Variants in AHRR observed in about 807,000 individuals in gnomAD.
The protein encoded by AHRR is ahR repressor.
A neutral mutation model predicts 44.0 loss-of-function variants in AHRR; 28 were observed. The ratio of observed to expected loss-of-function variants is 0.64; its 90% CI spans 0.47 to 0.87. The LOEUF is 0.87. AHRR is among the 40% of genes least tolerant of loss of function. The pLI is 0.00. For missense variants in AHRR, 990 were observed against 953.9 expected (o/e 1.04, Z -0.50); for synonymous variants, 434 against 407.0 (o/e 1.07, Z -0.80).
intron 1 of AHRR, 132 bp from the exon 2 acceptor site, chr5:343,759 GGA>G: frequency 1.2e-6 from 1 of 812,314 alleles, no homozygotes; most frequent in Non-Finnish European, 1.9e-6. Flanking sequence ...CCCACGAGGA[GGA>G]GCAGGAGGTG....
intron 4 of AHRR, among the ~76,000 whole-genome samples, chr5:412,952 AT>A: frequency 6.6e-6 from 1 of 151,906 alleles, no homozygotes; most frequent in Middle Eastern, 3.4e-3. Context: ...GGACTTCAAT[AT>A]TTTTCATAAT....
rs779603773 is a variant in AHRR, at chr5:337,591, C to T, written c.-10-6302C>T. Among the ~76,000 whole-genome samples the T allele has an allele frequency of 6.6e-6, 1 of 151,996 alleles. No individual in the cohort carries two copies. Among genetic ancestry groups the T allele is most frequent in the African/African-American group, 2.4e-5 (1 of 41,344 alleles). On this transcript the variant is annotated intron_variant, in intron 1 of 10. Coordinates refer to ENST00000684583, the MANE Select transcript of AHRR (RefSeq NM_001377236.1). The surrounding 1 kb of genome is among the most constrained non-coding windows in gnomAD (Gnocchi z 4.1). Reference sequence around the variant, plus strand: ...TAGAGATGAGGTCTCACTGTGTTGGCGTTTTATATTTTAAATTTTTTTTTA... The same window carrying T: ...TAGAGATGAGGTCTCACTGTGTTGGTGTTTTATATTTTAAATTTTTTTTTA...
At chr5:324,021 T>TTTCTC (rs1741609561) in intron 1 of AHRR, among the ~76,000 whole-genome samples, 1 of 132,414 alleles carries the variant, frequency 7.6e-6, no homozygotes, top group Non-Finnish European at 1.6e-5. Flanking sequence ...CTTTCTTTCT[T>TTTCTC]TCTCTCTCTC....
chr5:373,866 T>G (rs1365939843), intron 3 of AHRR, among the ~76,000 whole-genome samples: 4 of 150,692 alleles, frequency 2.7e-5, no homozygotes, highest in Non-Finnish European at 5.9e-5. Flanking sequence ...GCGGGAGCGC[T>G]GCTCGCACGC....
chr5:423,848 T>C lies in AHRR; in HGVS notation c.579T>C (p.Asp193=). 6.2e-7 allele frequency: 1 copy of C among 1,603,318 alleles called. No homozygotes were observed. The highest frequency in any genetic ancestry group is 8.5e-7 in the Non-Finnish European group (1 of 1,178,292). ...GQPPPLETGD[D]AILGRLLRAQ... ...GGCCCCTATGGTCTGCAGGAGATGA[T>C]GCTATCCTGGGGAGGCTGCTCAGGG... The change falls in exon 7 of 11, where the codon GAT becomes GAC. Residue 193 remains aspartate (D), a synonymous_variant. Coordinates refer to ENST00000684583, the MANE Select transcript of AHRR (RefSeq NM_001377236.1).
chr5:331,107 C>T (rs1400364842), intron 1 of AHRR, among the ~76,000 whole-genome samples: 2 of 151,486 alleles, frequency 1.3e-5, no homozygotes, highest in Non-Finnish European at 2.9e-5. Flanking sequence ...GATCTCTTGA[C>T]CACGTGATCC....
intron 3 of AHRR, among the ~76,000 whole-genome samples, chr5:369,119 C>T (rs183759309): frequency 1.4e-4 from 22 of 152,320 alleles, no homozygotes; most frequent in African/African-American, 4.8e-4. Flanking sequence ...GAAGCACACT[C>T]GCCCATCCAG....
chr5:370,387 G>C lies in AHRR; in HGVS notation c.245-6223G>C, dbSNP rs558636580. 9.6e-4 allele frequency among the ~76,000 whole-genome samples: 146 copies of C among 152,300 alleles called. 1 individual carries two copies. Among genetic ancestry groups the C allele is most frequent in the African/African-American group, 3.4e-3 (142 of 41,574 alleles). On this transcript the variant is annotated intron_variant, in intron 3 of 10. Transcript: ENST00000684583. This position sits in a 1 kb window ranked among gnomAD's most constrained non-coding sequence, Gnocchi z 4.5. ...GGCGTCGGGGAAGGGTTGGATGGGC[G>C]TCCCAGGCTTCTCAGAGCATCCCAT...
intron 4 of AHRR, among the ~76,000 whole-genome samples, chr5:409,275 T>A (rs774535099): frequency 3.3e-5 from 5 of 152,260 alleles, no homozygotes; most frequent in Non-Finnish European, 7.3e-5. Flanking sequence ...TTGATTATTA[T>A]GAGCAAGGCC....
chr5:397,043 C>G (rs1055902410), intron 4 of AHRR, among the ~76,000 whole-genome samples: 1 of 138,340 alleles, frequency 7.2e-6, no homozygotes, highest in African/African-American at 3.2e-5. Flanking sequence ...CCCTGACCAT[C>G]CATGTTAGCC....
At chr5:412,509 A>G (rs1262565062) in intron 4 of AHRR, among the ~76,000 whole-genome samples, 1 of 152,186 alleles carries the variant, frequency 6.6e-6, no homozygotes, top group African/African-American at 2.4e-5. Context: ...GAGAGAAACT[A>G]CAGGCCAAGT....
intron 4 of AHRR, among the ~76,000 whole-genome samples, chr5:399,405 C>T (rs1286606123): frequency 1.3e-5 from 2 of 152,196 alleles, no homozygotes; most frequent in African/African-American, 2.4e-5. Flanking sequence ...ACTCAGAAAG[C>T]GGGTCCTGGT....
intron 1 of AHRR, among the ~76,000 whole-genome samples, chr5:332,866 T>C (rs1741976615): frequency 6.6e-6 from 1 of 152,144 alleles, no homozygotes; most frequent in South Asian, 2.1e-4. Flanking sequence ...CATATGTATG[T>C]AGAATTGTTT....
intron 3 of AHRR, among the ~76,000 whole-genome samples, chr5:359,946 T>C (rs74792199): frequency 0.098 from 14,988 of 152,312 alleles, 1,056 homozygotes; most frequent in Non-Finnish European, 0.13. Flanking sequence ...TTTATTAAGG[T>C]AAATCATGCT....
intron 8 of AHRR, among the ~76,000 whole-genome samples, chr5:429,724 G>A (rs1736639969): frequency 6.6e-6 from 1 of 152,250 alleles, no homozygotes; most frequent in Non-Finnish European, 1.5e-5. Flanking sequence ...AGGAATCTTA[G>A]CAGGCGTCGA....
In AHRR at chr5:350,355, G is replaced by A. The variant is rs138488009; in HGVS notation, c.63-3375G>A. Among the ~76,000 whole-genome samples the A allele has an allele frequency of 2.1e-3, 324 of 152,290 alleles. 1 individual carries two copies. Among genetic ancestry groups the A allele is most frequent in the African/African-American group, 7.2e-3 (301 of 41,566 alleles). On this transcript the variant is annotated intron_variant, in intron 2 of 10. Transcript: ENST00000684583. ...TGCATATTTTGGGGCGTCTCTTTCC[G>A]CCTGAGCTGGCTTGGTGCACCTCCC... is the stretch of plus-strand genomic sequence containing the variant.
intron 3 of AHRR, among the ~76,000 whole-genome samples, chr5:374,990 T>C (rs1270863990): frequency 6.6e-6 from 1 of 152,150 alleles, no homozygotes; most frequent in Non-Finnish European, 1.5e-5. Context: ...GCCCAGGGAC[T>C]GTGGGGTGAG....
chr5:423,805 C>T (rs906373848), intron 6 of AHRR, 36 bp from the exon 7 acceptor site: 2 of 1,561,472 alleles, frequency 1.3e-6, no homozygotes, highest in African/African-American at 2.7e-5. Flanking sequence ...TTTGGCTTCT[C>T]CCACCGCCAC....
At chr5:373,598 G>A (rs1560896602) in intron 3 of AHRR, among the ~76,000 whole-genome samples, 1 of 149,968 alleles carries the variant, frequency 6.7e-6, no homozygotes, top group African/African-American at 2.5e-5. Context: ...GCTGGGCGGA[G>A]GGGGGGTCTC....
Sources: allele counts gnomAD v4.1 joint callset (sites outside exome capture counted in the v4.1 genomes callset), GRCh38; gene constraint gnomAD v4.1.1; non-coding constraint Gnocchi (gnomAD v3.1); transcripts MANE v1.5; gene names NCBI Gene and HGNC (gene_info 2026-07-23, HGNC 2026-07-21).